The following UQCC1 variants were observed in gnomAD, a reference collection of about 807,000 sequenced individuals.
The protein encoded by UQCC1 is bFGF-repressed Zic-binding protein.
UQCC1 carries 38 observed loss-of-function variants against 48.0 expected under a neutral mutation model. The observed-to-expected ratio is 0.79, with a 90% CI of 0.61 to 1.04. The LOEUF (loss-of-function observed/expected upper bound fraction) is 1.04, where lower values mean the gene tolerates loss of function less well. Among genes scored for constraint, UQCC1 ranks in the 50% least tolerant of loss-of-function variants. The pLI is 0.00. For synonymous variants in UQCC1, 111 were observed against 129.2 expected (o/e 0.86, Z 0.95); for missense variants, 368 against 381.8 (o/e 0.96, Z 0.30).
intron 7 of UQCC1, among the ~76,000 whole-genome samples, chr20:35,335,709 T>C (rs1440802873): frequency 2.0e-5 from 3 of 152,224 alleles, no homozygotes; most frequent in Admixed American, 6.5e-5. Flanking sequence ...ACAGGATTTC[T>C]ATCTGAGGTA....
Position 35,374,016 on chromosome 20 carries a change from T to C in UQCC1, c.406+168A>G, listed in dbSNP as rs556139270. Among the ~76,000 whole-genome samples the C allele has an allele frequency of 2.6e-5, 4 of 152,200 alleles. No individual in the cohort carries two copies. The East Asian group carries it at 5.8e-4, about 22-fold the overall frequency. ...AGCAAGACCCTTGTCTCTAAAGAAA[T>C]ATATACAAGAAGTTTTTTAAAGAGA... On this transcript the variant is annotated intron_variant, in intron 5 of 9. Coordinates refer to ENST00000374385, the MANE Select transcript of UQCC1 (RefSeq NM_018244.5).
chr20:35,382,901 T>C (rs1272000981), intron 3 of UQCC1, among the ~76,000 whole-genome samples: 1 of 152,162 alleles, frequency 6.6e-6, no homozygotes, highest in Non-Finnish European at 1.5e-5. Flanking sequence ...GAGCAAGACA[T>C]GCCTACCTCA....
intron 1 of UQCC1, among the ~76,000 whole-genome samples, chr20:35,396,479 T>C (rs537672711): frequency 6.6e-6 from 1 of 152,128 alleles, no homozygotes; most frequent in Admixed American, 6.6e-5. Context: ...TGGCTTACAA[T>C]GTGTTTTCAT....
At chr20:35,382,934 A>G (rs901184142) in intron 3 of UQCC1, among the ~76,000 whole-genome samples, 2 of 152,178 alleles carry the variant, frequency 1.3e-5, no homozygotes, top group Non-Finnish European at 2.9e-5. Context: ...CTATTAACCC[A>G]TATCTAGCAG....
chr20:35,392,186 A>G, intron 2 of UQCC1: 1 of 1,252,528 alleles, frequency 8.0e-7, no homozygotes. Flanking sequence ...TCTAATTAAC[A>G]AAACTCTTTC....
At chr20:35,383,798 C>T (rs1397436697) in intron 3 of UQCC1, among the ~76,000 whole-genome samples, 3 of 151,980 alleles carry the variant, frequency 2.0e-5, no homozygotes, top group Non-Finnish European at 2.9e-5. Context: ...CTACAGTCAG[C>T]TATGAAGGCA....
rs543695895 is a variant in UQCC1 at position 35,376,106 on chromosome 20, G to A, written c.334-1850C>T. On this transcript the variant is annotated intron_variant, in intron 4 of 9. Coordinates refer to ENST00000374385, the MANE Select transcript of UQCC1 (RefSeq NM_018244.5). ...GAAGATCAACTGAGGTCAGGATTTCGAGACCAGCCTGGCCAACATGGTGAA... is the reference window on the plus strand; with the variant it reads ...GAAGATCAACTGAGGTCAGGATTTCAAGACCAGCCTGGCCAACATGGTGAA... 4.5e-4 allele frequency among the ~76,000 whole-genome samples: 68 copies of A among 152,042 alleles called. 1 individual carries two copies. Among genetic ancestry groups the A allele is most frequent in the Admixed American group, 3.9e-3 (60 of 15,256 alleles).
chr20:35,319,895 G>A (rs1195565254), intron 7 of UQCC1, among the ~76,000 whole-genome samples: 9 of 152,170 alleles, frequency 5.9e-5, no homozygotes, highest in Admixed American at 4.6e-4. Flanking sequence ...GCTTAACAGA[G>A]GAACCAGACT....
chr20:35,352,174 T>C (rs558219848), intron 6 of UQCC1, among the ~76,000 whole-genome samples: 4 of 152,254 alleles, frequency 2.6e-5, no homozygotes, highest in East Asian at 3.9e-4. Context: ...GTTGAAGAGG[T>C]TGAGACAAAA....
Position 35,328,523 on chromosome 20 carries a change from C to T in UQCC1, c.574-13758G>A, listed in dbSNP as rs60537812. ...GGGTATTACAGTTATGTCTATTTTA[C>T]GGAGAGAAAACTGAGGCATAGAAAG... On this transcript the variant is annotated intron_variant, in intron 7 of 9. Transcript: ENST00000374385. Among the ~76,000 whole-genome samples, 10 of 152,246 alleles carry T rather than the reference C, an allele frequency of 6.6e-5. 1 individual carries two copies. The East Asian group carries it at 1.7e-3, about 26-fold the overall frequency.
At chr20:35,333,865 T>A (rs1393049941) in intron 7 of UQCC1, among the ~76,000 whole-genome samples, 1 of 151,652 alleles carries the variant, frequency 6.6e-6, no homozygotes, top group African/African-American at 2.4e-5. Flanking sequence ...CAGAAGTGAA[T>A]AAAAATTATT....
intron 7 of UQCC1, among the ~76,000 whole-genome samples, chr20:35,341,899 T>A (rs1177717026): frequency 1.3e-5 from 2 of 152,152 alleles, no homozygotes; most frequent in African/African-American, 4.8e-5. Flanking sequence ...CAGGCACATG[T>A]GCTAGTAGGT....
Position 35,324,396 on chromosome 20 carries a change from T to G in UQCC1, c.574-9631A>C, listed in dbSNP as rs1225831109. On this transcript the variant is annotated intron_variant, in intron 7 of 9. Transcript: ENST00000374385. The stretch of plus-strand genomic sequence containing the variant: ...GGCTGGAGTGCCGTGGCGCCATCTC[T>G]GCTCACTGCAAGCTCTGCCTCCCAG... Among the ~76,000 whole-genome samples, 7 of 152,304 alleles carry G rather than the reference T, an allele frequency of 4.6e-5. No homozygotes were observed. In the East Asian group the frequency reaches 1.4e-3, roughly 29 times the overall value.
At chr20:35,309,470 C>T (rs1405111333) in intron 8 of UQCC1, among the ~76,000 whole-genome samples, 4 of 151,804 alleles carry the variant, frequency 2.6e-5, no homozygotes, top group Admixed American at 2.6e-4. Flanking sequence ...AATCAACGAA[C>T]ACAACTTCAG....
intron 4 of UQCC1, among the ~76,000 whole-genome samples, chr20:35,378,771 C>T (rs1187993298): frequency 2.6e-5 from 4 of 152,216 alleles, no homozygotes; most frequent in Non-Finnish European, 4.4e-5. Flanking sequence ...CCTTGTAAGG[C>T]TACCTGTCCC....
intron 6 of UQCC1, among the ~76,000 whole-genome samples, chr20:35,348,585 T>A (rs1347000069): frequency 6.6e-6 from 1 of 151,902 alleles, no homozygotes; most frequent in African/African-American, 2.4e-5. Flanking sequence ...AGATATGGGG[T>A]TTCACTGTGT....
At chr20:35,394,064 T>C (rs376265656) in intron 2 of UQCC1, 28 bp downstream of exon 2, 69 of 1,595,744 alleles carry the variant, frequency 4.3e-5, no homozygotes, top group Non-Finnish European at 5.7e-5. Context: ...AAGGTTTTCA[T>C]ACTAAGCAAA....
intron 8 of UQCC1, among the ~76,000 whole-genome samples, chr20:35,308,109 A>G (rs553452603): frequency 6.6e-6 from 1 of 152,242 alleles, no homozygotes; most frequent in South Asian, 2.1e-4. Flanking sequence ...CCTCTTGGGC[A>G]TTGTGGTATG....
At chr20:35,315,804 T>C (rs917980053) in intron 7 of UQCC1, among the ~76,000 whole-genome samples, 2 of 152,134 alleles carry the variant, frequency 1.3e-5, no homozygotes, top group Non-Finnish European at 2.9e-5. Flanking sequence ...GTGCATCACT[T>C]GAGCCTGGGA....
Sources: allele counts gnomAD v4.1 joint callset (sites outside exome capture counted in the v4.1 genomes callset), GRCh38; gene constraint gnomAD v4.1.1; transcripts MANE v1.5; gene names NCBI Gene and HGNC (gene_info 2026-07-23, HGNC 2026-07-21).